The following GABRR2 variants were observed in gnomAD, a reference collection of about 807,000 sequenced individuals.
GABRR2 encodes the protein gamma-aminobutyric acid receptor subunit rho-2.
GABRR2 carries 36 observed loss-of-function variants against 47.0 expected under a neutral mutation model. That is an observed-to-expected ratio of 0.77 (90% CI 0.59 to 1.01). The LOEUF (loss-of-function observed/expected upper bound fraction) is 1.01. Ranked by LOEUF, GABRR2 falls within the 50% of genes least tolerant of loss-of-function variation. The probability of loss-of-function intolerance (pLI) is 0.00; values close to 1 mark genes in which losing one functional copy is unlikely to be tolerated. For synonymous variants in GABRR2, 204 were observed against 227.5 expected (o/e 0.90, Z 0.93); for missense variants, 587 against 594.6 (o/e 0.99, Z 0.13).
intron 7 of GABRR2, 28 bp downstream of exon 7, chr6:89,265,585 C>A: frequency 1.3e-6 from 2 of 1,580,494 alleles, no homozygotes; most frequent in Non-Finnish European, 1.7e-6. Context: ...AAATAACCAC[C>A]CTACCACACC....
Position 89,257,533 on chromosome 6 carries a change from A to T in GABRR2, c.*137T>A, listed in dbSNP as rs1407080102. The T allele has an allele frequency of 2.8e-6, 2 of 706,974 alleles. No homozygotes were observed. 43.8% of individuals were successfully genotyped at this position (706,974 alleles called of 1,614,324 possible). ...TGGAAGGCTCCTGGGCTTCTCTGAG[A>T]GATGAGTGCTGCTCAGGGTGGTCCA... On this transcript the variant is annotated 3_prime_UTR_variant, in exon 9 of 9. Transcript: ENST00000402938.
chr6:89,283,996 T>C (rs1182238377), intron 2 of GABRR2, among the ~76,000 whole-genome samples: 1 of 152,150 alleles, frequency 6.6e-6, no homozygotes, highest in South Asian at 2.1e-4. Flanking sequence ...GAGAGACAGA[T>C]TGGCCCTCAA....
At chr6:89,260,663 C>T (rs1179786161) in intron 8 of GABRR2, among the ~76,000 whole-genome samples, 1 of 152,184 alleles carries the variant, frequency 6.6e-6, no homozygotes, top group Non-Finnish European at 1.5e-5. Flanking sequence ...CACCTGGGAA[C>T]TTGCTTAAAA....
At chr6:89,278,860 G>A (rs1405148869) in intron 2 of GABRR2, among the ~76,000 whole-genome samples, 2 of 152,274 alleles carry the variant, frequency 1.3e-5, no homozygotes, top group Non-Finnish European at 2.9e-5. Flanking sequence ...CCACTGAGGT[G>A]TGGGAGGAAG....
At chr6:89,277,268 C>A (rs1164224349) in intron 2 of GABRR2, among the ~76,000 whole-genome samples, 1 of 152,164 alleles carries the variant, frequency 6.6e-6, no homozygotes, top group African/African-American at 2.4e-5. Context: ...GAAGAAGGTG[C>A]CTTGCTTCTC....
Position 89,311,711 on chromosome 6 carries a change from C to T in GABRR2, c.113+3342G>A, listed in dbSNP as rs114425825. The stretch of plus-strand genomic sequence containing the variant: ...AGGATAATCAGGTGTTCGTGGGTGC[C>T]CCTCCTCCCTGTGCAGGCCCTGAAC... On this transcript the variant is annotated intron_variant, in intron 1 of 8. Transcript: ENST00000402938. Among the ~76,000 whole-genome samples, 1,394 of 152,206 alleles carry T rather than the reference C, an allele frequency of 9.2e-3. 18 individuals are homozygous for T. The highest frequency in any genetic ancestry group is 0.029 in the African/African-American group (1,201 of 41,504).
chr6:89,283,230 A>G (rs750897213), intron 2 of GABRR2, among the ~76,000 whole-genome samples: 5 of 151,876 alleles, frequency 3.3e-5, no homozygotes, highest in African/African-American at 4.8e-5. Flanking sequence ...GAGTTTGCCA[A>G]GGATTCTTGT....
At chr6:89,285,409 G>C (rs112932734) in intron 2 of GABRR2, among the ~76,000 whole-genome samples, 389 of 152,294 alleles carry the variant, frequency 2.6e-3, no homozygotes, top group Non-Finnish European at 4.2e-3. Flanking sequence ...TTTAGAAATA[G>C]GCCTGATTTT....
chr6:89,302,338 A>T, intron 1 of GABRR2: 3 of 564,798 alleles, frequency 5.3e-6, no homozygotes, highest in South Asian at 4.2e-5. Flanking sequence ...CATGCTGTCC[A>T]TCCACCAGCT....
intron 2 of GABRR2, among the ~76,000 whole-genome samples, chr6:89,288,994 G>A (rs532269103): frequency 6.6e-6 from 1 of 152,262 alleles, no homozygotes; most frequent in South Asian, 2.1e-4. Context: ...ATAAGTGACT[G>A]AAAGAATGAA....
chr6:89,284,521 G>C (rs1272696180), intron 2 of GABRR2, among the ~76,000 whole-genome samples: 2 of 152,222 alleles, frequency 1.3e-5, no homozygotes, highest in East Asian at 1.9e-4. Context: ...AAATGTGGAA[G>C]AGAGAGGCAG....
chr6:89,287,947 A>T (rs933577281), intron 2 of GABRR2, among the ~76,000 whole-genome samples: 1 of 152,270 alleles, frequency 6.6e-6, no homozygotes, highest in Non-Finnish European at 1.5e-5. Flanking sequence ...ATTAAGGAAC[A>T]GAGAGGCTCA....
chr6:89,271,786 C>T (rs907047968), intron 2 of GABRR2, 64 bp from the exon 3 acceptor site: 1 of 1,443,642 alleles, frequency 6.9e-7, no homozygotes, highest in Non-Finnish European at 9.6e-7. Context: ...TGGGAACAGC[C>T]CCAGTTGGCT....
chr6:89,301,671 T>A, intron 1 of GABRR2: 6 of 497,850 alleles, frequency 1.2e-5, no homozygotes, highest in Non-Finnish European at 2.2e-5. Flanking sequence ...ACCAGGGAGG[T>A]GAAAGATCTC....
In GABRR2 at chr6:89,315,195, C is replaced by A. The variant is rs779015032; in HGVS notation, c.-30G>T. On this transcript the variant is annotated 5_prime_UTR_variant, in exon 1 of 9. Coordinates refer to ENST00000402938, the MANE Select transcript of GABRR2 (RefSeq NM_002043.5). ...TGGACATCTGTGAGGCAAAAAGCTG[C>A]TTTCCAGTAGCCTGTGGCAGAGCAA... is the stretch of plus-strand genomic sequence containing the variant. The A allele has an allele frequency of 9.3e-6, 15 of 1,613,348 alleles. No individual in the cohort carries two copies. The highest frequency in any genetic ancestry group is 1.3e-5 in the Non-Finnish European group (15 of 1,179,522).
Position 89,283,140 on chromosome 6 carries a change from G to A in GABRR2, c.221-11418C>T, listed in dbSNP as rs564335107. 3.3e-3 allele frequency among the ~76,000 whole-genome samples: 504 copies of A among 151,148 alleles called. 3 individuals carry two copies. Among genetic ancestry groups the A allele is most frequent in the Non-Finnish European group, 3.6e-3 (246 of 67,876 alleles). The stretch of plus-strand genomic sequence containing the variant: ...TTCTATGTTTCTGGTCCAGGATTTC[G>A]TCTTCTGTGAATTGCCCGTTTCTGT... On this transcript the variant is annotated intron_variant, in intron 2 of 8. Transcript: ENST00000402938.
At chr6:89,310,091 G>A (rs1767654554) in intron 1 of GABRR2, among the ~76,000 whole-genome samples, 1 of 151,768 alleles carries the variant, frequency 6.6e-6, no homozygotes, top group Admixed American at 6.6e-5. Flanking sequence ...TCTGGGTTTG[G>A]ACAAATGTAT....
intron 2 of GABRR2, among the ~76,000 whole-genome samples, chr6:89,289,104 G>A (rs1774391826): frequency 6.6e-6 from 1 of 152,234 alleles, no homozygotes; most frequent in African/African-American, 2.4e-5. Flanking sequence ...TCTAGGCATG[G>A]TGAGTCCGTC....
At chr6:89,306,892 T>G (rs1767568963) in intron 1 of GABRR2, among the ~76,000 whole-genome samples, 1 of 151,478 alleles carries the variant, frequency 6.6e-6, no homozygotes, top group Non-Finnish European at 1.5e-5. Flanking sequence ...ACAGCCAGGC[T>G]AATCCACAGT....
Sources: gnomAD v4.1 joint callset for allele counts (sites outside exome capture counted in the v4.1 genomes callset) on GRCh38, gnomAD v4.1.1 for gene constraint, MANE v1.5 for transcripts, NCBI Gene and HGNC (gene_info 2026-07-23, HGNC 2026-07-21) for gene names.